The following KCNH7 variants were observed in gnomAD, a reference collection of about 807,000 sequenced individuals.
The protein encoded by KCNH7 is voltage-gated inwardly rectifying potassium channel KCNH7.
Under a neutral mutation model 120.8 loss-of-function variants are expected in KCNH7, and 49 were observed. That is an observed-to-expected ratio of 0.41 (90% confidence interval 0.32 to 0.51). KCNH7 has a LOEUF of 0.51. Ranked by LOEUF, KCNH7 falls within the 20% of genes least tolerant of loss-of-function variation. The pLI, the probability that KCNH7 is intolerant of heterozygous loss-of-function variation, is 0.38. For missense variants in KCNH7, 1,097 were observed against 1,446.6 expected, an observed-to-expected ratio of 0.76 and a Z score of 3.92; for synonymous variants, 547 against 516.1, an observed-to-expected ratio of 1.06 and a Z score of -0.81.
Position 162,371,669 on chromosome 2 carries a change from A to T in KCNH7, c.*160T>A. 1.2e-6 allele frequency: 1 copy of T among 818,990 alleles called. No homozygotes were observed. The allele number at this position is 818,990 out of a possible 1,614,324, so 50.7% of individuals were successfully genotyped here. ...ATGTATATTTACATCCTAACTGCTCAGTTTTACCTTACAAGCTTCAATTTA... is the reference window on the plus strand; with the variant it reads ...ATGTATATTTACATCCTAACTGCTCTGTTTTACCTTACAAGCTTCAATTTA... On this transcript the variant is annotated 3_prime_UTR_variant, in exon 16 of 16. Transcript: ENST00000332142.
intron 2 of KCNH7, among the ~76,000 whole-genome samples, chr2:162,622,073 C>A (rs190100025): frequency 1.8e-4 from 28 of 152,296 alleles, no homozygotes; most frequent in African/African-American, 6.3e-4. Context: ...TCTATTCATT[C>A]TCCTACTTAC....
intron 2 of KCNH7, among the ~76,000 whole-genome samples, chr2:162,798,351 A>G (rs1225654765): frequency 6.6e-6 from 1 of 152,082 alleles, no homozygotes; most frequent in East Asian, 1.9e-4. Flanking sequence ...ATAAGAAAAT[A>G]TTTGCCACAT....
At chr2:162,816,057 G>A (rs1049633903) in intron 2 of KCNH7, among the ~76,000 whole-genome samples, 2 of 151,892 alleles carry the variant, frequency 1.3e-5, no homozygotes, top group South Asian at 2.1e-4. Context: ...TCGGGAGTTC[G>A]AGACCAGCCT....
At chr2:162,827,375 C>T (rs12467285) in intron 2 of KCNH7, among the ~76,000 whole-genome samples, 10,824 of 152,104 alleles carry the variant, frequency 0.071, 415 homozygotes, top group South Asian at 0.11. Flanking sequence ...CTGAGGGGCC[C>T]TTAACCAAAA....
chr2:162,380,716 T>C (rs924185744), intron 13 of KCNH7, among the ~76,000 whole-genome samples: 1 of 152,162 alleles, frequency 6.6e-6, no homozygotes, highest in Non-Finnish European at 1.5e-5. Flanking sequence ...TATGTTACTC[T>C]ACTTTAAGAT....
rs186065438 is a variant in KCNH7, at chr2:162,696,413, C to A, written c.307+140124G>T. ...TACTGTAATTCTATCATCCCGAGTCCTTCGAAACTAGAATTTTTGCTGTGG... is the reference window on the plus strand; with the variant it reads ...TACTGTAATTCTATCATCCCGAGTCATTCGAAACTAGAATTTTTGCTGTGG... On this transcript the variant is annotated intron_variant, in intron 2 of 15. Coordinates refer to ENST00000332142, the MANE Select transcript of KCNH7 (RefSeq NM_033272.4). Among the ~76,000 whole-genome samples the A allele has an allele frequency of 1.6e-4, 25 of 152,142 alleles. No homozygotes were observed. In the East Asian group the frequency reaches 4.8e-3, roughly 29 times the overall value.
chr2:162,794,967 A>G (rs1323311463), intron 2 of KCNH7, among the ~76,000 whole-genome samples: 5 of 152,084 alleles, frequency 3.3e-5, no homozygotes, highest in Admixed American at 3.3e-4. Flanking sequence ...TAATGAAATT[A>G]TACTACATTT....
intron 2 of KCNH7, among the ~76,000 whole-genome samples, chr2:162,633,547 C>A (rs1298799745): frequency 6.6e-6 from 1 of 151,938 alleles, no homozygotes; most frequent in African/African-American, 2.4e-5. Context: ...CTACACCCAT[C>A]AGATAATATT....
chr2:162,700,136 C>T (rs529764164), intron 2 of KCNH7, among the ~76,000 whole-genome samples: 3 of 152,068 alleles, frequency 2.0e-5, no homozygotes, highest in Non-Finnish European at 4.4e-5. Flanking sequence ...TTGAGTGCTC[C>T]TCATTAATAA....
intron 8 of KCNH7, among the ~76,000 whole-genome samples, chr2:162,428,167 G>C (rs1687928938): frequency 6.6e-6 from 1 of 150,928 alleles, no homozygotes; most frequent in Non-Finnish European, 1.5e-5. Context: ...AATGCCTTAG[G>C]TGCCCTATAC....
At chr2:162,725,775 A>T (rs993807090) in intron 2 of KCNH7, among the ~76,000 whole-genome samples, 1 of 152,210 alleles carries the variant, frequency 6.6e-6, no homozygotes, top group African/African-American at 2.4e-5. Flanking sequence ...AATAAGAGAA[A>T]ATAGAGTAAA....
At position 162,739,239 on chromosome 2, in the gene KCNH7, A is replaced by T. The variant is rs773415067; in HGVS notation, c.307+97298T>A. Among the ~76,000 whole-genome samples the T allele has an allele frequency of 2.0e-4, 30 of 151,768 alleles. 1 individual carries two copies. The highest frequency in any genetic ancestry group is 6.6e-5 in the Admixed American group (1 of 15,236). The stretch of plus-strand genomic sequence containing the variant: ...TACTCTTACTCTAACTTTCCTTCTC[A>T]CTATATTCACCCTAGTCTTGAGGGC... On this transcript the variant is annotated intron_variant, in intron 2 of 15. Transcript: ENST00000332142.
intron 2 of KCNH7, among the ~76,000 whole-genome samples, chr2:162,666,669 CA>C (rs1279566012): frequency 6.6e-6 from 1 of 152,078 alleles, no homozygotes; most frequent in East Asian, 1.9e-4. Flanking sequence ...CCTTAAAAAA[CA>C]ACTCCTTTAA....
chr2:162,443,973 G>A (rs989277521), intron 7 of KCNH7, among the ~76,000 whole-genome samples: 4 of 152,146 alleles, frequency 2.6e-5, no homozygotes, highest in Admixed American at 6.6e-5. Flanking sequence ...GAAATGCTCT[G>A]CACGGTGGTC....
intron 2 of KCNH7, among the ~76,000 whole-genome samples, chr2:162,771,290 T>A (rs1056713192): frequency 6.6e-6 from 1 of 152,196 alleles, no homozygotes; most frequent in Non-Finnish European, 1.5e-5. Flanking sequence ...GTTATTTTCA[T>A]TGCTCTTATG....
At chr2:162,528,998 A>C (rs1275602788) in intron 3 of KCNH7, among the ~76,000 whole-genome samples, 1 of 151,958 alleles carries the variant, frequency 6.6e-6, no homozygotes, top group Non-Finnish European at 1.5e-5. Context: ...TAATGTATGA[A>C]AAGGAAGAGT....
chr2:162,564,872 C>A (rs987237826), intron 2 of KCNH7, among the ~76,000 whole-genome samples: 1 of 152,020 alleles, frequency 6.6e-6, no homozygotes, highest in Non-Finnish European at 1.5e-5. Context: ...CTTGGAAAAT[C>A]ATAATTTTTT....
At chr2:162,515,925 C>A (rs1325060120) in intron 4 of KCNH7, among the ~76,000 whole-genome samples, 2 of 151,780 alleles carry the variant, frequency 1.3e-5, no homozygotes, top group African/African-American at 4.8e-5. Flanking sequence ...GCCTTCTCTA[C>A]TTCATGGTGT....
intron 2 of KCNH7, among the ~76,000 whole-genome samples, chr2:162,558,187 T>C (rs959862041): frequency 1.3e-5 from 2 of 151,998 alleles, no homozygotes; most frequent in Non-Finnish European, 2.9e-5. Context: ...TTTTTTTTTT[T>C]CTTTTTTTGA....
Sources: gnomAD v4.1 joint callset for allele counts (sites outside exome capture counted in the v4.1 genomes callset) on GRCh38, gnomAD v4.1.1 for gene constraint, MANE v1.5 for transcripts, NCBI Gene and HGNC (gene_info 2026-07-23, HGNC 2026-07-21) for gene names.